Variants in GRIK5 observed in about 807,000 individuals in gnomAD.
GRIK5 encodes glutamate ionotropic receptor kainate type subunit 5.
In GRIK5, 43 loss-of-function variants were observed where a neutral mutation model predicts 97.4. That is an observed-to-expected ratio of 0.44 (90% CI 0.35 to 0.57). GRIK5 has a LOEUF of 0.57. Among genes scored for constraint, GRIK5 ranks in the 20% least tolerant of loss-of-function variants. The pLI, the probability that GRIK5 is intolerant of heterozygous loss-of-function variation, is 0.01. For synonymous variants in GRIK5, 580 were observed against 583.5 expected (o/e 0.99, Z 0.09); for missense variants, 1,015 against 1,382.0 (o/e 0.73, Z 4.21).
At chr19:42,034,822 T>G (rs2075882042) in intron 12 of GRIK5, among the ~76,000 whole-genome samples, 1 of 133,930 alleles carries the variant, frequency 7.5e-6, no homozygotes, top group Admixed American at 8.0e-5. Context: ...TATCATACGC[T>G]GTCAGTTTCC....
At chr19:42,050,138 C>T (rs1023508041) in intron 11 of GRIK5, among the ~76,000 whole-genome samples, 6 of 152,064 alleles carry the variant, frequency 3.9e-5, no homozygotes, top group Admixed American at 3.3e-4. Flanking sequence ...CCATGTTGCT[C>T]AGGCTTGTCT....
rs1555872381 is a variant in GRIK5, at chr19:42,005,787, G to T, written c.2199C>A (p.Asn733Lys). The T allele has an allele frequency of 6.2e-7, 1 of 1,614,092 alleles. No individual in the cohort carries two copies. Residue 733 changes from asparagine to lysine, a missense_variant, in exon 17 of 20, where the codon AAC becomes AAA. Coordinates refer to ENST00000593562, the MANE Select transcript of GRIK5 (RefSeq NM_002088.5). ...GTCCCCCGATCTGGGTGAGGTTGCA[G>T]TTGAGGCGCCGGTGGTATTCGTTCA... ...STMNEYHRRL[N>K]CNLTQIGGLL...
intron 12 of GRIK5, among the ~76,000 whole-genome samples, chr19:42,035,617 G>C (rs1020435079): frequency 6.6e-6 from 1 of 152,188 alleles, no homozygotes; most frequent in Non-Finnish European, 1.5e-5. Context: ...GGCTGAGGCA[G>C]AAGAATTGCT....
chr19:42,044,962 AC>A (rs908887570), intron 11 of GRIK5, among the ~76,000 whole-genome samples: 24 of 152,204 alleles, frequency 1.6e-4, no homozygotes, highest in African/African-American at 5.5e-4. Flanking sequence ...AAATATCCAC[AC>A]TGGTTATTGT....
At chr19:42,001,032 A>G (rs1555870775) in intron 19 of GRIK5, among the ~76,000 whole-genome samples, 1 of 151,954 alleles carries the variant, frequency 6.6e-6, no homozygotes, top group East Asian at 1.9e-4. Flanking sequence ...AAACCAACCA[A>G]TCTATACCCC....
At chr19:42,054,256 A>T in intron 9 of GRIK5, 64 bp downstream of exon 9, 11 of 1,528,742 alleles carry the variant, frequency 7.2e-6, no homozygotes, top group Non-Finnish European at 9.8e-6. Flanking sequence ...GGGTGGTCAC[A>T]GTGAGCGCTC....
chr19:42,051,165 C>G (rs2076111166), intron 11 of GRIK5, among the ~76,000 whole-genome samples: 2 of 152,118 alleles, frequency 1.3e-5, no homozygotes, highest in Admixed American at 1.3e-4. Context: ...CCTGGGTACC[C>G]TGACAAATTC....
At chr19:42,064,661 G>A (rs1432144153) in intron 3 of GRIK5, among the ~76,000 whole-genome samples, 1 of 152,186 alleles carries the variant, frequency 6.6e-6, no homozygotes, top group East Asian at 1.9e-4. Context: ...AAGGCCTGCA[G>A]GAAAGAAACC....
In GRIK5 at chr19:42,056,717, C is replaced by G; in HGVS notation, c.848G>C (p.Ser283Thr). The change falls in exon 8 of 20, where the codon AGC becomes ACC. Residue 283 changes from serine to threonine, a missense_variant. Physicochemically the swap from Ser to Thr is moderately conservative, Grantham distance 58. This residue lies in a region of GRIK5 where 477 missense variants were observed against 701.1 expected (regional missense o/e 0.68). Transcript: ENST00000593562. ...SHPFYPEFVR[S>T]LNMSWRENCE... ...GTTCTCCCTCCAGGACATGTTGAGG[C>G]TGCGGACAAACTCAGGGTAGAAGGG... 6.2e-7 allele frequency: 1 copy of G among 1,614,118 alleles called. No individual in the cohort carries two copies. The highest frequency in any genetic ancestry group is 8.5e-7 in the Non-Finnish European group (1 of 1,179,962).
rs2075427942 is a variant in GRIK5, at chr19:42,002,040, T to C, written c.2514+1292A>G. The stretch of plus-strand genomic sequence containing the variant: ...AAGTGGGAGAAGGGGAAGAAGGGGC[T>C]TTGAGGATTGAGAGTGACTGGCTGT... On this transcript the variant is annotated intron_variant, in intron 19 of 19. Transcript: ENST00000593562. This position sits in a 1 kb window ranked among gnomAD's most constrained non-coding sequence, Gnocchi z 5.2. 2 of 648,586 alleles carry C rather than the reference T, an allele frequency of 3.1e-6. No individual in the cohort carries two copies. Among genetic ancestry groups the C allele is most frequent in the East Asian group, 5.4e-5 (2 of 36,734 alleles). 40.2% of individuals were successfully genotyped at this position (648,586 alleles called of 1,614,324 possible).
chr19:42,065,698 G>T lies in GRIK5; in HGVS notation c.73C>A (p.Arg25Ser), dbSNP rs1401195689. The T allele has an allele frequency of 1.9e-6, 3 of 1,589,058 alleles. No individual in the cohort carries two copies. Among genetic ancestry groups the T allele is most frequent in the African/African-American group, 1.3e-5 (1 of 74,254 alleles). The change falls in exon 2 of 20, where the codon CGC becomes AGC. Residue 25 changes from arginine to serine, a missense_variant. This residue lies in a region of GRIK5 where 198 missense variants were observed against 218.2 expected (regional missense o/e 0.91). Coordinates refer to ENST00000593562, the MANE Select transcript of GRIK5 (RefSeq NM_002088.5). The surrounding 1 kb of genome is among the most constrained non-coding windows in gnomAD (Gnocchi z 5.8). ...GGGTGCGGGAGGGCCTCACCCATGC[G>T]CAGTGATGAGAGCACCTGGCAGCTG... ...SPSCQVLSSL[R>S]MAAILDDQTV...
chr19:42,065,600 T>G lies in GRIK5; in HGVS notation c.79+92A>C. On this transcript the variant is annotated intron_variant, in intron 2 of 19. Transcript: ENST00000593562. The surrounding 1 kb of genome is among the most constrained non-coding windows in gnomAD (Gnocchi z 5.8). ...GGGATTCCTTGCTGCTGAAGAGAGCTGAGACCTGGACCCTGACGGACTGGC... is the reference window on the plus strand; with the variant it reads ...GGGATTCCTTGCTGCTGAAGAGAGCGGAGACCTGGACCCTGACGGACTGGC... The G allele has an allele frequency of 8.6e-7, 1 of 1,168,772 alleles. No individual in the cohort carries two copies. The allele number at this position is 1,168,772 out of a possible 1,614,324, so 72.4% of individuals were successfully genotyped here.
At chr19:42,044,461 G>A (rs1269796087) in intron 11 of GRIK5, among the ~76,000 whole-genome samples, 1 of 152,172 alleles carries the variant, frequency 6.6e-6, no homozygotes, top group Non-Finnish European at 1.5e-5. Context: ...TACTGATCCC[G>A]TTGTGCCAAA....
rs782374173 is a variant in GRIK5, at chr19:42,002,338, C to T, written c.2514+994G>A. On this transcript the variant is annotated intron_variant, in intron 19 of 19. Coordinates refer to ENST00000593562, the MANE Select transcript of GRIK5 (RefSeq NM_002088.5). This position sits in a 1 kb window ranked among gnomAD's most constrained non-coding sequence, Gnocchi z 5.2. ...GGGTTTAAGACTGGAGAAATGACAGCATATTTGTACGTTGGTGGCCTGAAT... is the reference window on the plus strand; with the variant it reads ...GGGTTTAAGACTGGAGAAATGACAGTATATTTGTACGTTGGTGGCCTGAAT... The T allele has an allele frequency of 7.0e-6, 5 of 717,462 alleles. No individual in the cohort carries two copies. The highest frequency in any genetic ancestry group is 6.0e-5 in the Admixed American group (3 of 49,994). The allele number at this position is 717,462 out of a possible 1,614,324, so 44.4% of individuals were successfully genotyped here. A position where few individuals can be genotyped will look rare whatever the true frequency, so the allele number is the denominator to read the frequency against.
chr19:42,000,428 G>A (rs1330865476), intron 19 of GRIK5, among the ~76,000 whole-genome samples: 1 of 152,178 alleles, frequency 6.6e-6, no homozygotes, highest in Non-Finnish European at 1.5e-5. Context: ...TCAGATACGG[G>A]GCATGGAAGA....
At chr19:42,043,725 A>C (rs1281998465) in intron 11 of GRIK5, among the ~76,000 whole-genome samples, 1 of 151,954 alleles carries the variant, frequency 6.6e-6, no homozygotes, top group Non-Finnish European at 1.5e-5. Flanking sequence ...TTTTAAGAGA[A>C]TTTGGAAACT....
At position 42,053,675 on chromosome 19, in the gene GRIK5, A is replaced by T; in HGVS notation, c.1196T>A (p.Met399Lys). Residue 399 changes from methionine (M) to lysine (K), a missense_variant, in exon 11 of 20, where the codon ATG becomes AAG. Met to Lys is a moderately conservative substitution (Grantham distance 95). Around this residue, in one of 5 missense-constraint regions of GRIK5, gnomAD observed 477 missense variants for 701.1 expected, o/e 0.68. Coordinates refer to ENST00000593562, the MANE Select transcript of GRIK5 (RefSeq NM_002088.5). The part of the protein sequence containing the change: ...GVWYSNRTLA[M>K]NATTLDINLS... ...GTTGATGTCCAGGGTGGTGGCATTC[A>T]TGGCCAGGGTGCGGTTAGAGTACCA... is the stretch of plus-strand genomic sequence containing the variant. The T allele has an allele frequency of 6.2e-7, 1 of 1,613,226 alleles. No homozygotes were observed. Among genetic ancestry groups the T allele is most frequent in the Non-Finnish European group, 8.5e-7 (1 of 1,179,206 alleles).
chr19:42,053,450 C>T (rs2076141614), intron 11 of GRIK5, 152 bp downstream of exon 11: 2 of 613,628 alleles, frequency 3.3e-6, no homozygotes. Context: ...ATGGTAGCAC[C>T]TTGTTCACAA....
Position 42,021,536 on chromosome 19 carries a change from G to T in GRIK5, c.1698-62C>A. On this transcript the variant is annotated intron_variant, in intron 14 of 19. Coordinates refer to ENST00000593562, the MANE Select transcript of GRIK5 (RefSeq NM_002088.5). This position sits in a 1 kb window ranked among gnomAD's most constrained non-coding sequence, Gnocchi z 4.2. ...AGCCCAGGTGGGGAGGAAAAGGAAA[G>T]AAGCAAAGGAAAGTCACAGTGATCA... is the stretch of plus-strand genomic sequence containing the variant. 7.3e-7 allele frequency: 1 copy of T among 1,371,546 alleles called. No individual in the cohort carries two copies. Among genetic ancestry groups the T allele is most frequent in the Non-Finnish European group, 9.7e-7 (1 of 1,026,244 alleles). The allele number at this position is 1,371,546 out of a possible 1,614,324, so 85.0% of individuals were successfully genotyped here. A position where few individuals can be genotyped will look rare whatever the true frequency, so the allele number is the denominator to read the frequency against.
Sources: gnomAD v4.1 joint callset for allele counts (sites outside exome capture counted in the v4.1 genomes callset) on GRCh38, gnomAD v4.1.1 for gene constraint, gnomAD v4.1.1 regional missense constraint, Gnocchi (gnomAD v3.1) non-coding constraint, MANE v1.5 for transcripts, NCBI Gene and HGNC (gene_info 2026-07-23, HGNC 2026-07-21) for gene names.